The following FER variants were observed in gnomAD, a reference collection of about 807,000 sequenced individuals.
FER encodes tyrosine-protein kinase Fer.
FER carries 63 observed loss-of-function variants against 111.0 expected under a neutral mutation model. The ratio of observed to expected loss-of-function variants is 0.57; its 90% CI spans 0.46 to 0.70. FER has a LOEUF of 0.70. Among genes scored for constraint, FER ranks in the 30% least tolerant of loss-of-function variants. The pLI is 0.00. For synonymous variants in FER, 327 were observed against 313.9 expected (o/e 1.04, Z -0.44); for missense variants, 914 against 954.0 (o/e 0.96, Z 0.55).
At chr5:108,909,713 A>C (rs899445319) in intron 10 of FER, among the ~76,000 whole-genome samples, 1 of 152,002 alleles carries the variant, frequency 6.6e-6, no homozygotes, top group Non-Finnish European at 1.5e-5. Context: ...CATAGTTAAG[A>C]AACAATCTTC....
rs554209603 is a variant in FER at position 108,810,989 on chromosome 5, A to C, written c.207+12600A>C. 5.3e-5 allele frequency among the ~76,000 whole-genome samples: 8 copies of C among 152,218 alleles called. No individual in the cohort carries two copies. In the South Asian group the frequency reaches 1.7e-3, roughly 32 times the overall value. Reference sequence around the variant, plus strand: ...TATTGCCCCATGATCTATGCACAGGAAGGGTGGGTGTGTCAGCCTGCTTCT... The same window carrying C: ...TATTGCCCCATGATCTATGCACAGGCAGGGTGGGTGTGTCAGCCTGCTTCT... On this transcript the variant is annotated intron_variant, in intron 3 of 19. Transcript: ENST00000281092.
chr5:109,034,514 C>A (rs1268675747), intron 13 of FER, among the ~76,000 whole-genome samples: 1 of 151,960 alleles, frequency 6.6e-6, no homozygotes. Flanking sequence ...CTATTGGCTT[C>A]TGCTTTCACA....
chr5:108,804,991 T>A (rs1757048295), intron 3 of FER, among the ~76,000 whole-genome samples: 1 of 151,680 alleles, frequency 6.6e-6, no homozygotes, highest in South Asian at 2.1e-4. Context: ...ATTGGATAGG[T>A]TTTTTATTAC....
chr5:108,798,038 A>G (rs928013209), intron 2 of FER, 86 bp from the exon 3 acceptor site: 1 of 544,192 alleles, frequency 1.8e-6, no homozygotes, highest in Non-Finnish European at 3.2e-6. Context: ...TTTTAACCCC[A>G]AAGAAGAATC....
intron 17 of FER, among the ~76,000 whole-genome samples, chr5:109,165,945 T>C (rs1279972552): frequency 2.0e-5 from 3 of 152,112 alleles, no homozygotes; most frequent in Non-Finnish European, 4.4e-5. Context: ...ATTGGAGTTA[T>C]GGCAGGACCA....
At chr5:109,040,090 A>G (rs867744224) in intron 14 of FER, among the ~76,000 whole-genome samples, 5 of 152,102 alleles carry the variant, frequency 3.3e-5, no homozygotes, top group Non-Finnish European at 5.9e-5. Context: ...CCTAAGTGTA[A>G]AAGATTTCAG....
At chr5:108,869,272 T>C (rs1021491728) in intron 6 of FER, among the ~76,000 whole-genome samples, 1 of 152,122 alleles carries the variant, frequency 6.6e-6, no homozygotes, top group African/African-American at 2.4e-5. Flanking sequence ...GGTATATCTA[T>C]GACAGACAAG....
intron 13 of FER, among the ~76,000 whole-genome samples, chr5:109,008,972 A>AAACAAC (rs375685208): frequency 5.3e-5 from 8 of 151,666 alleles, no homozygotes; most frequent in South Asian, 2.1e-4. Flanking sequence ...CTCCATCTCA[A>AAACAAC]AACAACAACA....
chr5:108,985,604 C>T (rs1014327461), intron 13 of FER, among the ~76,000 whole-genome samples: 1 of 152,100 alleles, frequency 6.6e-6, no homozygotes, highest in Middle Eastern at 3.2e-3. Flanking sequence ...CCATTTCCCA[C>T]GAGTCCCCAA....
chr5:108,769,074 G>C (rs1752622293), intron 2 of FER, among the ~76,000 whole-genome samples: 1 of 152,064 alleles, frequency 6.6e-6, no homozygotes, highest in South Asian at 2.1e-4. Context: ...TGATCTTTCT[G>C]CCTCAGCCTC....
chr5:109,018,407 TG>T (rs932055825), intron 13 of FER, among the ~76,000 whole-genome samples: 1 of 151,896 alleles, frequency 6.6e-6, no homozygotes, highest in Non-Finnish European at 1.5e-5. Context: ...ATCTTACCAT[TG>T]GGACTACACA....
At chr5:109,108,547 C>T (rs1561904416) in intron 17 of FER, among the ~76,000 whole-genome samples, 1 of 152,080 alleles carries the variant, frequency 6.6e-6, no homozygotes, top group Non-Finnish European at 1.5e-5. Context: ...CCAGTTGGTC[C>T]ATTCAGTCTC....
chr5:109,067,665 T>C (rs894188029), intron 16 of FER, among the ~76,000 whole-genome samples: 2 of 152,150 alleles, frequency 1.3e-5, no homozygotes, highest in Non-Finnish European at 1.5e-5. Flanking sequence ...ACTATAGTAA[T>C]ACAGAGTGCT....
intron 8 of FER, among the ~76,000 whole-genome samples, chr5:108,880,976 TA>T (rs1415242190): frequency 6.6e-6 from 1 of 152,138 alleles, no homozygotes; most frequent in Non-Finnish European, 1.5e-5. Context: ...TTAATGATTC[TA>T]AAAAAATCTA....
intron 13 of FER, among the ~76,000 whole-genome samples, chr5:109,014,161 C>T (rs1453123953): frequency 1.3e-5 from 2 of 151,454 alleles, no homozygotes; most frequent in Admixed American, 6.6e-5. Flanking sequence ...CTTGCCCATG[C>T]CTATGTCCTG....
intron 16 of FER, among the ~76,000 whole-genome samples, chr5:109,054,417 A>G (rs1328286720): frequency 6.6e-6 from 1 of 152,134 alleles, no homozygotes; most frequent in African/African-American, 2.4e-5. Flanking sequence ...TGACGTTTGT[A>G]TATCTTCACT....
At chr5:109,001,056 G>C (rs1024093768) in intron 13 of FER, among the ~76,000 whole-genome samples, 2 of 152,138 alleles carry the variant, frequency 1.3e-5, no homozygotes, top group African/African-American at 4.8e-5. Context: ...TGGATTCACA[G>C]CTGAATTCTA....
At chr5:108,956,739 C>G (rs1300205208) in intron 12 of FER, among the ~76,000 whole-genome samples, 1 of 151,454 alleles carries the variant, frequency 6.6e-6, no homozygotes, top group African/African-American at 2.4e-5. Flanking sequence ...TGTTGAGCTC[C>G]TGAAGCAGTT....
intron 18 of FER, among the ~76,000 whole-genome samples, chr5:109,185,120 T>C (rs1391565660): frequency 6.6e-6 from 1 of 152,192 alleles, no homozygotes; most frequent in Non-Finnish European, 1.5e-5. Context: ...ACTGATCTGC[T>C]TCCCCTCCTT....
Sources: gnomAD v4.1 joint callset for allele counts (sites outside exome capture counted in the v4.1 genomes callset) on GRCh38, gnomAD v4.1.1 for gene constraint, MANE v1.5 for transcripts, NCBI Gene and HGNC (gene_info 2026-07-23, HGNC 2026-07-21) for gene names.